Variants in PTPN22 observed in about 807,000 individuals in gnomAD.
PTPN22 encodes the protein protein tyrosine phosphatase non-receptor type 22, also known as tyrosine-protein phosphatase non-receptor type 22.
In PTPN22, 85 loss-of-function variants were observed where a neutral mutation model predicts 103.3. That is an observed-to-expected ratio of 0.82 (90% CI 0.69 to 0.99). The LOEUF (loss-of-function observed/expected upper bound fraction) is 0.99. Ranked by LOEUF, PTPN22 falls within the 50% of genes least tolerant of loss-of-function variation. The pLI, the probability that PTPN22 is intolerant of heterozygous loss-of-function variation, is 0.00. For missense variants in PTPN22, 865 were observed against 936.9 expected (o/e 0.92, Z 1.00); for synonymous variants, 323 against 310.2 (o/e 1.04, Z -0.43).
intron 1 of PTPN22, among the ~76,000 whole-genome samples, chr1:113,860,207 T>A (rs1037292972): frequency 5.9e-5 from 9 of 152,310 alleles, no homozygotes; most frequent in Admixed American, 5.9e-4. Flanking sequence ...GGTCTCAAAC[T>A]CCTGGGCTCA....
At chr1:113,825,442 A>C (rs1167256139) in intron 18 of PTPN22, among the ~76,000 whole-genome samples, 4 of 152,194 alleles carry the variant, frequency 2.6e-5, no homozygotes, top group Non-Finnish European at 4.4e-5. Flanking sequence ...TCACACCTGT[A>C]ATCCCGGCAC....
At chr1:113,815,920 C>A (rs1661110669) in intron 20 of PTPN22, among the ~76,000 whole-genome samples, 1 of 152,160 alleles carries the variant, frequency 6.6e-6, no homozygotes, top group South Asian at 2.1e-4. Flanking sequence ...CTCAAGTGAT[C>A]CACCCACCTT....
At chr1:113,834,729 T>TA (rs945364716) in intron 14 of PTPN22, among the ~76,000 whole-genome samples, 181 bp downstream of exon 14, 67 of 146,412 alleles carry the variant, frequency 4.6e-4, no homozygotes, top group East Asian at 1.2e-3. Flanking sequence ...TCTGCTAAAT[T>TA]AAAAAAAAAA....
At chr1:113,850,096 C>A (rs1382982882) in intron 10 of PTPN22, among the ~76,000 whole-genome samples, 1 of 151,982 alleles carries the variant, frequency 6.6e-6, no homozygotes, top group East Asian at 1.9e-4. Flanking sequence ...ACTCGGGAGG[C>A]TGAGGCAGAA....
At chr1:113,834,790 G>T (rs1662837726) in intron 14 of PTPN22, 120 bp downstream of exon 14, 1 of 843,686 alleles carries the variant, frequency 1.2e-6, no homozygotes, top group Non-Finnish European at 1.9e-6. Flanking sequence ...TGAACTCCTG[G>T]CCTCAATGAA....
chr1:113,863,628 G>T (rs557663369), intron 1 of PTPN22, among the ~76,000 whole-genome samples: 1 of 152,196 alleles, frequency 6.6e-6, no homozygotes, highest in Non-Finnish European at 1.5e-5. Flanking sequence ...ATTCATAGAT[G>T]TTTGTGCACT....
chr1:113,827,958 C>CAAT (rs1294560725), intron 18 of PTPN22, among the ~76,000 whole-genome samples: 1 of 152,148 alleles, frequency 6.6e-6, no homozygotes, highest in African/African-American at 2.4e-5. Flanking sequence ...GGATGAAAAG[C>CAAT]AATATGTCAC....
chr1:113,843,478 T>C (rs1571401861), intron 11 of PTPN22, among the ~76,000 whole-genome samples: 2 of 151,992 alleles, frequency 1.3e-5, no homozygotes, highest in Admixed American at 1.3e-4. Context: ...GTACCTACAG[T>C]AGTCAAATTC....
chr1:113,834,539 G>A, intron 14 of PTPN22, 100 bp from the exon 15 acceptor site: 1 of 1,241,812 alleles, frequency 8.1e-7, no homozygotes, highest in Non-Finnish European at 1.2e-6. Flanking sequence ...AAGGACCTGA[G>A]AAGTAATCTA....
exon 10 of PTPN22, chr1:113,852,082 A>G (rs1167542743): frequency 6.2e-7 from 1 of 1,610,416 alleles, no homozygotes. Flanking sequence ...CAAACTGAAA[A>G]CACTGAAGTT....
chr1:113,855,148 G>T, intron 7 of PTPN22, 99 bp from the exon 8 acceptor site: 1 of 1,050,450 alleles, frequency 9.5e-7, no homozygotes. Flanking sequence ...ATTATTCAGT[G>T]GCATGCATGC....
chr1:113,861,015 A>T (rs1023418403), intron 1 of PTPN22, among the ~76,000 whole-genome samples: 4 of 152,076 alleles, frequency 2.6e-5, no homozygotes, highest in Non-Finnish European at 4.4e-5. Flanking sequence ...GCTACCTTCA[A>T]CAATAAGGCA....
intron 11 of PTPN22, among the ~76,000 whole-genome samples, chr1:113,843,355 ATGAG>A (rs1311100680): frequency 6.6e-6 from 1 of 151,980 alleles, no homozygotes; most frequent in Non-Finnish European, 1.5e-5. Flanking sequence ...TTCAGCCTTA[ATGAG>A]TAAGAAAATT....
rs990654416 is a variant in PTPN22, at chr1:113,821,586, C to T, written c.2282-1932G>A. ...ATCTGCCTGCCTTGGCCTCCCAAAG[C>T]GCTGGGAATACAGGCATGAGCCACT... On this transcript the variant is annotated intron_variant, in intron 19 of 20. Transcript: ENST00000359785. Among the ~76,000 whole-genome samples the T allele has an allele frequency of 5.9e-5, 9 of 152,080 alleles. No individual in the cohort carries two copies. The South Asian group carries it at 8.3e-4, about 14-fold the overall frequency.
At chr1:113,834,931 A>C in exon 14 of PTPN22, 1 of 1,579,706 alleles carries the variant, frequency 6.3e-7, no homozygotes, top group Non-Finnish European at 8.6e-7. Context: ...ACCACAATAA[A>C]TGATTCAGGT....
At chr1:113,853,859 C>CTTTT (rs894010114) in intron 9 of PTPN22, among the ~76,000 whole-genome samples, 77 of 67,172 alleles carry the variant, frequency 1.1e-3, no homozygotes, top group African/African-American at 1.8e-3. Context: ...TTTTTTTTTG[C>CTTTT]TTTTTTTTTT....
chr1:113,859,222 T>C, intron 2 of PTPN22, 130 bp downstream of exon 2: 5 of 1,549,872 alleles, frequency 3.2e-6, no homozygotes, highest in Non-Finnish European at 4.4e-6. Flanking sequence ...TCTTTTGCAG[T>C]CATAAATAGT....
chr1:113,854,530 A>G, exon 9 of PTPN22: 6 of 1,613,488 alleles, frequency 3.7e-6, no homozygotes, highest in Non-Finnish European at 5.1e-6. Flanking sequence ...GTCCTTCCAC[A>G]GCCAGCACTG....
At chr1:113,843,047 C>G (rs535139433) in intron 11 of PTPN22, among the ~76,000 whole-genome samples, 132 of 133,374 alleles carry the variant, frequency 9.9e-4, no homozygotes, top group African/African-American at 3.7e-3. Context: ...TTGCAGTGAG[C>G]CGAGATCCCG....
Sources: allele counts gnomAD v4.1 joint callset (sites outside exome capture counted in the v4.1 genomes callset), GRCh38; gene constraint gnomAD v4.1.1; transcripts MANE v1.5; gene names NCBI Gene and HGNC (gene_info 2026-07-23, HGNC 2026-07-21).